The following GLRA3 variants were observed in gnomAD, a reference collection of about 807,000 sequenced individuals.
GLRA3 encodes glycine receptor subunit alpha-3.
A neutral mutation model predicts 60.4 loss-of-function variants in GLRA3; 44 were observed. The observed-to-expected ratio is 0.73, with a 90% CI of 0.57 to 0.94. The LOEUF is 0.94. Ranked by LOEUF, GLRA3 falls within the 40% of genes least tolerant of loss-of-function variation. The pLI is 0.00. For missense variants in GLRA3, 508 were observed against 564.6 expected (o/e 0.90, Z 1.02); for synonymous variants, 223 against 192.9 (o/e 1.16, Z -1.29).
At chr4:174,817,205 T>C (rs1420068754) in intron 1 of GLRA3, among the ~76,000 whole-genome samples, 1 of 152,188 alleles carries the variant, frequency 6.6e-6, no homozygotes, top group African/African-American at 2.4e-5. Flanking sequence ...TTTAACATCT[T>C]GGAAGTGTCT....
At chr4:174,658,886 T>C (rs539407038) in intron 8 of GLRA3, among the ~76,000 whole-genome samples, 168 bp downstream of exon 8, 1 of 152,310 alleles carries the variant, frequency 6.6e-6, no homozygotes, top group South Asian at 2.1e-4. Flanking sequence ...ATTTTCTCCC[T>C]AAAGCTATTT....
intron 1 of GLRA3, among the ~76,000 whole-genome samples, chr4:174,804,675 G>T (rs1279515604): frequency 2.6e-5 from 4 of 152,148 alleles, no homozygotes; most frequent in Non-Finnish European, 4.4e-5. Context: ...CCAGAATGAG[G>T]TTAAGAGTGG....
chr4:174,780,955 C>T (rs1007718307), intron 2 of GLRA3, among the ~76,000 whole-genome samples: 4 of 152,130 alleles, frequency 2.6e-5, no homozygotes, highest in Non-Finnish European at 5.9e-5. Context: ...AGCTCTGCAC[C>T]AAGTGGACCT....
At chr4:174,811,185 G>GT (rs76452779) in intron 1 of GLRA3, among the ~76,000 whole-genome samples, 16,649 of 113,872 alleles carry the variant, frequency 0.15, 1,124 homozygotes, top group African/African-American at 0.2. Context: ...TTCCCCGCCT[G>GT]TTTTTTTTTT....
At chr4:174,823,382 G>A (rs1740826698) in intron 1 of GLRA3, among the ~76,000 whole-genome samples, 3 of 152,078 alleles carry the variant, frequency 2.0e-5, no homozygotes, top group Non-Finnish European at 4.4e-5. Context: ...AAATTTAGCT[G>A]GGCGTGGTGG....
At chr4:174,703,579 C>T (rs374166299) in intron 5 of GLRA3, among the ~76,000 whole-genome samples, 1 of 152,148 alleles carries the variant, frequency 6.6e-6, no homozygotes, top group Non-Finnish European at 1.5e-5. Context: ...TTGTTTTCCT[C>T]TTGATCCTTT....
intron 2 of GLRA3, among the ~76,000 whole-genome samples, chr4:174,779,894 A>G (rs149937359): frequency 0.015 from 2,287 of 152,062 alleles, 56 homozygotes; most frequent in African/African-American, 0.051. Context: ...ACTCTGCAAG[A>G]TATCATCCAG....
At chr4:174,790,419 G>T (rs1739285831) in intron 1 of GLRA3, among the ~76,000 whole-genome samples, 1 of 151,842 alleles carries the variant, frequency 6.6e-6, no homozygotes, top group South Asian at 2.1e-4. Flanking sequence ...AATGACTCTA[G>T]AGCTTTATTC....
intron 5 of GLRA3, among the ~76,000 whole-genome samples, chr4:174,689,472 T>C (rs1734696573): frequency 6.6e-6 from 1 of 152,138 alleles, no homozygotes; most frequent in Non-Finnish European, 1.5e-5. Flanking sequence ...TTTTGTTACA[T>C]GCATAGATTG....
chr4:174,727,334 C>T (rs567642574), intron 4 of GLRA3, among the ~76,000 whole-genome samples: 5 of 152,202 alleles, frequency 3.3e-5, no homozygotes, highest in African/African-American at 9.6e-5. Flanking sequence ...AATCAAATAC[C>T]CCCATTCCTG....
chr4:174,668,728 C>G (rs561292847), intron 7 of GLRA3, among the ~76,000 whole-genome samples: 6 of 152,262 alleles, frequency 3.9e-5, no homozygotes, highest in African/African-American at 1.4e-4. Context: ...AAAATCTCAT[C>G]TACACCTACG....
intron 1 of GLRA3, among the ~76,000 whole-genome samples, chr4:174,812,268 C>G (rs545634731): frequency 6.6e-6 from 1 of 152,198 alleles, no homozygotes; most frequent in South Asian, 2.1e-4. Flanking sequence ...GCACCAATCT[C>G]TAGAGTCTCC....
Position 174,822,573 on chromosome 4 carries a change from G to A in GLRA3, c.71+6168C>T, listed in dbSNP as rs1431682824. On this transcript the variant is annotated intron_variant, in intron 1 of 9. Coordinates refer to ENST00000274093, the MANE Select transcript of GLRA3 (RefSeq NM_006529.4). ...GATTAAGGGATGACCACCTGTTGAA[G>A]ATGTTCAGAGATTCTAAAATTTAGG... 6.6e-5 allele frequency among the ~76,000 whole-genome samples: 10 copies of A among 152,302 alleles called. No individual in the cohort carries two copies. In the East Asian group the frequency reaches 7.7e-4, roughly 12 times the overall value.
intron 2 of GLRA3, among the ~76,000 whole-genome samples, chr4:174,779,444 C>T (rs539293436): frequency 5.7e-4 from 87 of 152,236 alleles, no homozygotes; most frequent in African/African-American, 1.9e-3. Flanking sequence ...CTACCAGCAA[C>T]GGAACAAAGC....
At chr4:174,765,018 TGAA>T (rs1465409266) in intron 3 of GLRA3, among the ~76,000 whole-genome samples, 1 of 152,040 alleles carries the variant, frequency 6.6e-6, no homozygotes, top group Admixed American at 6.6e-5. Flanking sequence ...CTTGAGACTG[TGAA>T]GAAGTGAGTG....
At chr4:174,728,767 A>C in intron 3 of GLRA3, 69 bp from the exon 4 acceptor site, 3 of 962,626 alleles carry the variant, frequency 3.1e-6, no homozygotes, top group Non-Finnish European at 4.7e-6. Flanking sequence ...CCATAGTGTC[A>C]GTGTGGTGCC....
At chr4:174,793,107 T>A (rs1739422262) in intron 1 of GLRA3, among the ~76,000 whole-genome samples, 1 of 152,216 alleles carries the variant, frequency 6.6e-6, no homozygotes, top group African/African-American at 2.4e-5. Context: ...CACAATTATT[T>A]TTTTGCCAGT....
At chr4:174,689,600 C>G (rs1734704837) in intron 5 of GLRA3, among the ~76,000 whole-genome samples, 2 of 151,516 alleles carry the variant, frequency 1.3e-5, no homozygotes, top group South Asian at 4.2e-4. Flanking sequence ...TGAGTTTCCT[C>G]TGTCTATCAT....
intron 2 of GLRA3, among the ~76,000 whole-genome samples, chr4:174,774,045 G>A (rs1738497098): frequency 6.6e-6 from 1 of 151,970 alleles, no homozygotes; most frequent in South Asian, 2.1e-4. Flanking sequence ...GGCCATCCTG[G>A]CTTGCAGAGT....
Sources: gnomAD v4.1 joint callset for allele counts (sites outside exome capture counted in the v4.1 genomes callset) on GRCh38, gnomAD v4.1.1 for gene constraint, MANE v1.5 for transcripts, NCBI Gene and HGNC (gene_info 2026-07-23, HGNC 2026-07-21) for gene names.